The following PIGN variants were observed in gnomAD, a reference collection of about 807,000 sequenced individuals.
PIGN encodes phosphatidylinositol glycan anchor biosynthesis class N.
PIGN carries 117 observed loss-of-function variants against 125.4 expected under a neutral mutation model. The ratio of observed to expected loss-of-function variants is 0.93; its 90% CI spans 0.80 to 1.09. The LOEUF is 1.09. Ranked by LOEUF, PIGN falls within the 50% of genes least tolerant of loss-of-function variation. The pLI is 0.00. For synonymous variants in PIGN, 392 were observed against 377.8 expected (o/e 1.04, Z -0.44); for missense variants, 1,075 against 1,094.9 (o/e 0.98, Z 0.26).
intron 29 of PIGN, among the ~76,000 whole-genome samples, chr18:62,073,397 T>TAC (rs988580888): frequency 1.9e-4 from 29 of 152,074 alleles, no homozygotes; most frequent in Admixed American, 1.9e-3. Flanking sequence ...AGCCTATATA[T>TAC]ACATCAAGAG....
intron 30 of PIGN, among the ~76,000 whole-genome samples, chr18:62,069,022 G>A (rs1407513932): frequency 6.6e-6 from 1 of 152,122 alleles, no homozygotes; most frequent in East Asian, 1.9e-4. Context: ...CCAGCCTTAT[G>A]CTTCCTGAAA....
intron 11 of PIGN, 79 bp downstream of exon 11, chr18:62,143,227 T>C (rs1345938517): frequency 1.4e-6 from 1 of 736,468 alleles, no homozygotes; most frequent in Admixed American, 2.6e-5. Flanking sequence ...ATTAATATTA[T>C]CTCTTTTTCA....
At chr18:62,067,057 T>A (rs1021222369) in intron 30 of PIGN, among the ~76,000 whole-genome samples, 2 of 152,192 alleles carry the variant, frequency 1.3e-5, no homozygotes, top group East Asian at 3.8e-4. Flanking sequence ...ATGCAAGTAC[T>A]AGAAAAGCAA....
chr18:62,048,215 G>A (rs1244272526), intron 30 of PIGN, among the ~76,000 whole-genome samples: 3 of 152,132 alleles, frequency 2.0e-5, no homozygotes, highest in Non-Finnish European at 4.4e-5. Flanking sequence ...TGTGGACTGT[G>A]ACAAAAGATC....
At chr18:62,158,777 T>C (rs1220438634) in intron 4 of PIGN, among the ~76,000 whole-genome samples, 28 of 152,224 alleles carry the variant, frequency 1.8e-4, no homozygotes. Context: ...TCATAATAAG[T>C]AAACAGTTTC....
intron 30 of PIGN, among the ~76,000 whole-genome samples, chr18:62,057,316 T>C (rs1477176969): frequency 6.6e-6 from 1 of 152,180 alleles, no homozygotes; most frequent in African/African-American, 2.4e-5. Flanking sequence ...TCCTAGAGCT[T>C]TCTCCAGATT....
chr18:62,077,885 G>T (rs544330087), intron 28 of PIGN, among the ~76,000 whole-genome samples: 2 of 152,142 alleles, frequency 1.3e-5, no homozygotes, highest in Non-Finnish European at 2.9e-5. Flanking sequence ...GAGCAGCATC[G>T]GTCTTATTTG....
At position 62,157,177 on chromosome 18, in the gene PIGN, A is replaced by G. The variant is rs1316042238; in HGVS notation, c.394T>C (p.Tyr132His). The change falls in exon 6 of 31, where the codon TAC becomes CAC. Residue 132 changes from tyrosine (Y) to histidine (H), a missense_variant. Transcript: ENST00000640252. ...EFDSLFNESK[Y>H]TWSWGSPDIL... ...TCTGGGCTTCCCCAGCTCCATGTGT[A>G]TTTACTTTCATTAAAAAGAGAATCA... The G allele has an allele frequency of 1.3e-5, 21 of 1,609,976 alleles. No individual in the cohort carries two copies. Among genetic ancestry groups the G allele is most frequent in the Non-Finnish European group, 1.8e-5 (21 of 1,177,530 alleles).
intron 14 of PIGN, among the ~76,000 whole-genome samples, chr18:62,131,191 A>G (rs1051401844): frequency 6.6e-6 from 1 of 152,186 alleles, no homozygotes; most frequent in Non-Finnish European, 1.5e-5. Flanking sequence ...TTGCCATTTT[A>G]GTAGAAAATA....
intron 23 of PIGN, among the ~76,000 whole-genome samples, chr18:62,020,306 C>T (rs1430159655): frequency 6.6e-6 from 1 of 152,176 alleles, no homozygotes; most frequent in African/African-American, 2.4e-5. Flanking sequence ...CCGGGCAGCA[C>T]AAAATCCAAC....
chr18:62,094,052 T>C (rs758936327), intron 23 of PIGN, among the ~76,000 whole-genome samples: 5 of 152,106 alleles, frequency 3.3e-5, no homozygotes, highest in Non-Finnish European at 5.9e-5. Context: ...TAGATTTTCT[T>C]AAAATAAGTT....
chr18:62,159,256 A>G (rs1180582986), intron 4 of PIGN, among the ~76,000 whole-genome samples: 2 of 152,140 alleles, frequency 1.3e-5, no homozygotes, highest in African/African-American at 2.4e-5. Context: ...AACAAATAAC[A>G]ACAACAAAAA....
At chr18:62,050,469 A>T (rs2031181651) in intron 30 of PIGN, among the ~76,000 whole-genome samples, 1 of 152,046 alleles carries the variant, frequency 6.6e-6, no homozygotes, top group African/African-American at 2.4e-5. Flanking sequence ...GCAACTGTGA[A>T]TGGGAGTTCA....
At chr18:62,170,294 T>G (rs943711632) in intron 1 of PIGN, among the ~76,000 whole-genome samples, 1 of 152,218 alleles carries the variant, frequency 6.6e-6, no homozygotes, top group Non-Finnish European at 1.5e-5. Flanking sequence ...AGATTTATTT[T>G]TGCAAGGTGA....
intron 30 of PIGN, chr18:62,052,796 C>T (rs1433605694): frequency 4.5e-6 from 1 of 220,016 alleles, no homozygotes; most frequent in Non-Finnish European, 8.9e-6. Context: ...TCTTCCTAGC[C>T]TTGATGGTCT....
chr18:62,183,008 T>A (rs1211496818), intron 1 of PIGN, among the ~76,000 whole-genome samples: 1 of 152,192 alleles, frequency 6.6e-6, no homozygotes, highest in African/African-American at 2.4e-5. Flanking sequence ...ATAGAAGGAA[T>A]AAGTTCAAGA....
intron 1 of PIGN, among the ~76,000 whole-genome samples, chr18:62,167,910 TC>T (rs1568252394): frequency 6.6e-6 from 1 of 152,074 alleles, no homozygotes; most frequent in Non-Finnish European, 1.5e-5. Flanking sequence ...CTGATTAAGT[TC>T]AGCCAGGTGC....
At chr18:62,110,874 A>T (rs917496339) in intron 16 of PIGN, among the ~76,000 whole-genome samples, 14 of 147,374 alleles carry the variant, frequency 9.5e-5, no homozygotes, top group Non-Finnish European at 1.5e-4. Flanking sequence ...TATATATATA[A>T]ATATGTATAT....
chr18:62,100,404 G>A (rs1266676774), intron 22 of PIGN, among the ~76,000 whole-genome samples: 2 of 152,200 alleles, frequency 1.3e-5, no homozygotes, highest in East Asian at 3.9e-4. Context: ...TGAGGGGTGG[G>A]CCCCCATGAC....
Sources: allele counts gnomAD v4.1 joint callset (sites outside exome capture counted in the v4.1 genomes callset), GRCh38; gene constraint gnomAD v4.1.1; transcripts MANE v1.5; gene names NCBI Gene and HGNC (gene_info 2026-07-23, HGNC 2026-07-21).